Variants in TTC3 observed in about 807,000 individuals in gnomAD.
TTC3 encodes E3 ubiquitin-protein ligase TTC3.
A neutral mutation model predicts 249.6 loss-of-function variants in TTC3; 180 were observed. The observed-to-expected ratio is 0.72, with a 90% CI of 0.64 to 0.82. The LOEUF is 0.82. TTC3 is among the 40% of genes least tolerant of loss of function. The pLI is 0.00. For synonymous variants in TTC3, 717 were observed against 805.0 expected (o/e 0.89, Z 1.85); for missense variants, 2,061 against 2,398.4 (o/e 0.86, Z 2.94).
chr21:37,129,369 A>G (rs1249049474), intron 16 of TTC3, among the ~76,000 whole-genome samples: 1 of 152,180 alleles, frequency 6.6e-6, no homozygotes, highest in Non-Finnish European at 1.5e-5. Context: ...TATAAGGTGC[A>G]CATGAAGCCT....
intron 1 of TTC3, chr21:37,082,630 C>G: frequency 2.0e-6 from 2 of 985,332 alleles, no homozygotes; most frequent in Non-Finnish European, 2.4e-6. Flanking sequence ...TAATTTCTAG[C>G]TCAAGGTTTG....
At chr21:37,156,128 C>G (rs945233387) in intron 27 of TTC3, among the ~76,000 whole-genome samples, 5 of 151,720 alleles carry the variant, frequency 3.3e-5, no homozygotes, top group Non-Finnish European at 7.4e-5. Flanking sequence ...CTTTGAAGTC[C>G]TGGGCTCAAG....
Position 37,123,045 on chromosome 21 carries a change from T to C in TTC3, c.1109+17T>C. On this transcript the variant is annotated intron_variant, in intron 13 of 45. Coordinates refer to ENST00000355666, the Ensembl canonical transcript of TTC3. ...TGAAAACAGGTAAGTTAATAGCAGG[T>C]CAGTAGCTGCTACTACTAGGAATGG... is the stretch of plus-strand genomic sequence containing the variant. The C allele has an allele frequency of 1.2e-6, 2 of 1,613,224 alleles. No homozygotes were observed. The highest frequency in any genetic ancestry group is 1.7e-6 in the Non-Finnish European group (2 of 1,179,242).
chr21:37,089,984 CA>C (rs35551483), intron 5 of TTC3, among the ~76,000 whole-genome samples: 162 of 141,768 alleles, frequency 1.1e-3, no homozygotes, highest in African/African-American at 1.5e-3. Context: ...GACCCTGTCT[CA>C]AAAAAAAAAA....
At chr21:37,110,529 C>T (rs1216395769) in intron 11 of TTC3, among the ~76,000 whole-genome samples, 2 of 152,264 alleles carry the variant, frequency 1.3e-5, no homozygotes, top group East Asian at 3.9e-4. Context: ...AAGAAACAAA[C>T]AAAGCCTCCA....
At chr21:37,141,553 AG>A (rs991808679) in intron 20 of TTC3, among the ~76,000 whole-genome samples, 3 of 152,124 alleles carry the variant, frequency 2.0e-5, no homozygotes, top group Non-Finnish European at 4.4e-5. Context: ...GAATCACTTG[AG>A]GTCAGGAGTT....
At position 37,154,364 on chromosome 21, in the gene TTC3, G is replaced by A. The variant is rs76374333; in HGVS notation, c.2740+1087G>A. Among the ~76,000 whole-genome samples, 1,221 of 152,304 alleles carry A rather than the reference G, an allele frequency of 8.0e-3. 21 individuals are homozygous for A. The highest frequency in any genetic ancestry group is 0.028 in the African/African-American group (1,157 of 41,572). On this transcript the variant is annotated intron_variant, in intron 27 of 45. Coordinates refer to ENST00000355666, the Ensembl canonical transcript of TTC3. ...CTGGTCAGCTTCTGCCAGAAGAGAC[G>A]ATGTAAGATGGCAGCAAGCCTGGCA...
chr21:37,190,861 CAGATTCATGAGGTGCTG>C (rs1164488018), intron 39 of TTC3, among the ~76,000 whole-genome samples: 5 of 152,172 alleles, frequency 3.3e-5, no homozygotes, highest in East Asian at 3.9e-4. Flanking sequence ...TTCAATAGAC[CAGATTCATGAGGTGCTG>C]AGATTCATGA....
chr21:37,080,083 C>G (rs2071426003), intron 1 of TTC3, among the ~76,000 whole-genome samples: 1 of 151,800 alleles, frequency 6.6e-6, no homozygotes, highest in Admixed American at 6.6e-5. Context: ...ATTTTTTTCA[C>G]TTAAATTACA....
At chr21:37,192,782 G>A (rs950381990) in intron 41 of TTC3, among the ~76,000 whole-genome samples, 3 of 152,108 alleles carry the variant, frequency 2.0e-5, no homozygotes, top group African/African-American at 4.8e-5. Context: ...GGTATTTGCC[G>A]AATCTTGTTA....
At chr21:37,141,391 A>G (rs988375606) in intron 20 of TTC3, among the ~76,000 whole-genome samples, 5 of 135,382 alleles carry the variant, frequency 3.7e-5, no homozygotes, top group African/African-American at 1.5e-4. Flanking sequence ...GTTAGGGGAA[A>G]TTTTATGAGA....
At chr21:37,165,576 A>G (rs753446463) in exon 33 of TTC3, 2 of 1,603,630 alleles carry the variant, frequency 1.2e-6, no homozygotes, top group South Asian at 1.1e-5. Context: ...TTGGAGGAAC[A>G]TGGTCCCTTG....
At chr21:37,167,485 A>T in intron 33 of TTC3, 70 bp from the exon 34 acceptor site, 1 of 1,193,482 alleles carries the variant, frequency 8.4e-7, no homozygotes, top group Middle Eastern at 2.0e-4. Flanking sequence ...TTAAAGTGTT[A>T]CTACTTGATG....
chr21:37,148,301 TGA>T (rs2079156609), intron 22 of TTC3, among the ~76,000 whole-genome samples: 1 of 152,240 alleles, frequency 6.6e-6, no homozygotes, highest in African/African-American at 2.4e-5. Context: ...GGCACTTAAT[TGA>T]GTTATACTGG....
At chr21:37,148,610 A>C (rs777447656) in exon 23 of TTC3, 1 of 1,606,028 alleles carries the variant, frequency 6.2e-7, no homozygotes, top group Non-Finnish European at 8.5e-7. Context: ...TGCTGGAAGA[A>C]GTTAAAAACT....
chr21:37,088,802 T>C, exon 5 of TTC3: 1 of 1,611,714 alleles, frequency 6.2e-7, no homozygotes, highest in Non-Finnish European at 8.5e-7. Context: ...CTTTAAGCAA[T>C]TCACGTGCTT....
intron 10 of TTC3, among the ~76,000 whole-genome samples, chr21:37,104,563 C>T (rs2074866318): frequency 7.0e-6 from 1 of 142,860 alleles, no homozygotes; most frequent in South Asian, 2.2e-4. Context: ...GCGCTCCAGC[C>T]TCGGCGACGA....
At chr21:37,165,635 G>C in exon 33 of TTC3, 1 of 1,614,056 alleles carries the variant, frequency 6.2e-7, no homozygotes, top group Non-Finnish European at 8.5e-7. Flanking sequence ...TTTCCCAGAA[G>C]AAACTCGACA....
At chr21:37,147,626 G>T in intron 22 of TTC3, 23 bp downstream of exon 22, 1 of 1,563,766 alleles carries the variant, frequency 6.4e-7, no homozygotes, top group Non-Finnish European at 8.6e-7. Flanking sequence ...TGTACAGTGG[G>T]ACATTAACTT....
Sources: gnomAD v4.1 joint callset for allele counts (sites outside exome capture counted in the v4.1 genomes callset) on GRCh38, gnomAD v4.1.1 for gene constraint, MANE v1.5 for transcripts, NCBI Gene and HGNC (gene_info 2026-07-23, HGNC 2026-07-21) for gene names.